UPRT: variants seen among roughly 807,000 people sequenced by gnomAD.
The protein encoded by UPRT is uracil phosphoribosyltransferase homolog, also known as RP11-311P8.3.
UPRT carries 5 observed loss-of-function variants against 22.6 expected under a neutral mutation model. The ratio of observed to expected loss-of-function variants is 0.22; its 90% CI spans 0.12 to 0.47. The LOEUF (loss-of-function observed/expected upper bound fraction) is 0.47. Among genes scored for constraint, UPRT ranks in the 20% least tolerant of loss-of-function variants. The pLI, the probability that UPRT is intolerant of heterozygous loss-of-function variation, is 0.99. For missense variants in UPRT, 181 were observed against 239.9 expected, an observed-to-expected ratio of 0.75 and a Z score of 1.62; for synonymous variants, 77 against 87.7, an observed-to-expected ratio of 0.88 and a Z score of 0.68.
Position 75,275,103 on chromosome X carries a change from C to T in UPRT, c.386+463C>T, listed in dbSNP as rs1326879804. Among the ~76,000 whole-genome samples the T allele has an allele frequency of 3.6e-5, 4 of 111,358 alleles. No individual in the cohort carries two copies. The Admixed American group carries it at 3.8e-4, about 11-fold the overall frequency. Reference sequence around the variant, plus strand: ...AATTTCAAGGAAATTCTATTCAGGCCCTGACCCTTTAGTATTTGCTACTGC... The same window carrying T: ...AATTTCAAGGAAATTCTATTCAGGCTCTGACCCTTTAGTATTTGCTACTGC... On this transcript the variant is annotated intron_variant, in intron 1 of 6. Transcript: ENST00000373383.
chrX:75,247,135 C>T (rs1380119313), intron 4 of UPRT, among the ~76,000 whole-genome samples: 1 of 110,858 alleles, frequency 9.0e-6, no homozygotes, highest in Admixed American at 9.6e-5. Flanking sequence ...AGAAAAAAAA[C>T]AGAGCTCCCA....
intron 4 of UPRT, among the ~76,000 whole-genome samples, chrX:75,254,500 T>C (rs1052388918): frequency 4.5e-5 from 5 of 111,608 alleles, no homozygotes. Flanking sequence ...TAAGAAAACA[T>C]AAACAAAGCC....
chrX:75,263,846 T>C (rs2082577366), intron 4 of UPRT, among the ~76,000 whole-genome samples: 1 of 111,084 alleles, frequency 9.0e-6, no homozygotes, highest in Admixed American at 9.6e-5. Flanking sequence ...CTTTCGCTTG[T>C]GGGCATTTAG....
chrX:75,213,949 G>A (rs922045599), intron 4 of UPRT, among the ~76,000 whole-genome samples: 1 of 111,853 alleles, frequency 8.9e-6, no homozygotes, highest in African/African-American at 3.2e-5. Flanking sequence ...GGACCTAGAG[G>A]AAATCAATAT....
At chrX:75,286,733 A>T (rs1343748275) in intron 1 of UPRT, among the ~76,000 whole-genome samples, 1 of 111,901 alleles carries the variant, frequency 8.9e-6, no homozygotes, top group Non-Finnish European at 1.9e-5. Context: ...ATAACAGGAC[A>T]TCTAAAAAAT....
rs374530287 is a variant in UPRT, at chrX:75,180,069, G to A, written c.-447+12190G>A. ...CAAGGGCTGTGAGGACTGCCAGCACGCTGTCACCTCTCACTTTGTTGCCTC... is the reference window on the plus strand; with the variant it reads ...CAAGGGCTGTGAGGACTGCCAGCACACTGTCACCTCTCACTTTGTTGCCTC... On this transcript the variant is annotated intron_variant, in intron 4 of 13. Transcript: ENST00000652605. Among the ~76,000 whole-genome samples the A allele has an allele frequency of 1.3e-3, 141 of 112,765 alleles. 1 individual carries two copies. The highest frequency in any genetic ancestry group is 4.0e-3 in the African/African-American group (123 of 31,131).
intron 4 of UPRT, among the ~76,000 whole-genome samples, chrX:75,249,519 A>C (rs1189539642): frequency 8.9e-6 from 1 of 111,897 alleles, no homozygotes; most frequent in Non-Finnish European, 1.9e-5. Flanking sequence ...ACAATCCTAA[A>C]TATATATGCA....
rs773164806 is a variant in UPRT at position 75,170,582 on chromosome X, T to C, written c.-447+2703T>C. On this transcript the variant is annotated intron_variant, in intron 4 of 13. Transcript: ENST00000652605. ...CATTTAGGCCATTTACATTCAATAT[T>C]AGTATTGAGATTTGAGATACTATTT... Among the ~76,000 whole-genome samples, 5 of 111,917 alleles carry C rather than the reference T, an allele frequency of 4.5e-5. No homozygotes were observed. In the South Asian group the frequency reaches 1.5e-3, roughly 34 times the overall value.
chrX:75,238,650 C>T (rs2082478215), intron 4 of UPRT, among the ~76,000 whole-genome samples: 1 of 111,547 alleles, frequency 9.0e-6, no homozygotes, highest in East Asian at 2.8e-4. Context: ...TACCCAACAA[C>T]TGCAGAATAT....
chrX:75,279,422 C>T (rs1375608510), intron 1 of UPRT, among the ~76,000 whole-genome samples: 7 of 111,295 alleles, frequency 6.3e-5, no homozygotes, highest in Non-Finnish European at 7.5e-5. Context: ...CTAAGCTATA[C>T]GGACCTCTGT....
At chrX:75,293,571 T>C in intron 2 of UPRT, 57 bp downstream of exon 2, 1 of 1,106,453 alleles carries the variant, frequency 9.0e-7, no homozygotes, top group Non-Finnish European at 1.2e-6. Context: ...ATAACCATGG[T>C]AGACCAAGGG....
At chrX:75,183,029 T>A (rs2082276063) in intron 4 of UPRT, among the ~76,000 whole-genome samples, 2 of 110,855 alleles carry the variant, frequency 1.8e-5, no homozygotes, top group South Asian at 3.8e-4. Context: ...TTTATTTTTT[T>A]ATTATTATTA....
chrX:75,291,651 C>G (rs1330754534), intron 1 of UPRT: 1 of 139,733 alleles, frequency 7.2e-6, no homozygotes, highest in Admixed American at 9.1e-5. Context: ...AAAAAAAAAA[C>G]GAGGTCAACT....
intron 4 of UPRT, among the ~76,000 whole-genome samples, chrX:75,178,071 A>C (rs996873420): frequency 4.5e-5 from 5 of 111,903 alleles, no homozygotes; most frequent in African/African-American, 1.6e-4. Context: ...TGTTGTCGGG[A>C]CCCCGGAGCT....
chrX:75,280,958 T>C (rs180914115), intron 1 of UPRT, among the ~76,000 whole-genome samples: 1 of 111,199 alleles, frequency 9.0e-6, no homozygotes, highest in East Asian at 2.8e-4. Context: ...CAGCAGTGTT[T>C]TGAAGTTTTA....
At chrX:75,158,699 T>C (rs772836773) in intron 1 of UPRT, among the ~76,000 whole-genome samples, 1 of 111,817 alleles carries the variant, frequency 8.9e-6, no homozygotes, top group African/African-American at 3.2e-5. Context: ...TACCAGAACT[T>C]ATTCTCACCT....
chrX:75,162,999 A>T (rs1197072359), intron 2 of UPRT, among the ~76,000 whole-genome samples: 1 of 112,012 alleles, frequency 8.9e-6, no homozygotes, highest in Non-Finnish European at 1.9e-5. Context: ...CTAGATACAG[A>T]TGAGTTGCAT....
chrX:75,237,388 T>G (rs964505075), intron 4 of UPRT, among the ~76,000 whole-genome samples: 9 of 112,034 alleles, frequency 8.0e-5, no homozygotes, highest in African/African-American at 2.9e-4. Context: ...GAAGTCAGTG[T>G]GGGGATTCCT....
intron 1 of UPRT, among the ~76,000 whole-genome samples, chrX:75,292,828 A>G (rs1450781725): frequency 1.8e-5 from 2 of 111,286 alleles, no homozygotes; most frequent in South Asian, 3.8e-4. Context: ...TTACTTGGTT[A>G]CCTCAGGATA....
Sources: allele counts gnomAD v4.1 joint callset (sites outside exome capture counted in the v4.1 genomes callset), GRCh38; gene constraint gnomAD v4.1.1; transcripts MANE v1.5; gene names NCBI Gene and HGNC (gene_info 2026-07-23, HGNC 2026-07-21).